The following MRNIP variants were observed in gnomAD, a reference collection of about 807,000 sequenced individuals.
MRNIP encodes MRN complex-interacting protein.
In MRNIP, 30 loss-of-function variants were observed where a neutral mutation model predicts 29.8. That is an observed-to-expected ratio of 1.01 (90% CI 0.75 to 1.36). The LOEUF (loss-of-function observed/expected upper bound fraction) is 1.36. Among genes scored for constraint, MRNIP ranks in the 40% most tolerant of loss-of-function variants. The probability of loss-of-function intolerance (pLI) is 0.00; values close to 1 mark genes in which losing one functional copy is unlikely to be tolerated. For synonymous variants in MRNIP, 201 were observed against 164.1 expected (o/e 1.23, Z -1.72); for missense variants, 459 against 423.5 (o/e 1.08, Z -0.74).
At chr5:179,854,299 C>T (rs982477476) in intron 1 of MRNIP, among the ~76,000 whole-genome samples, 6 of 151,970 alleles carry the variant, frequency 3.9e-5, no homozygotes, top group Admixed American at 3.3e-4. Flanking sequence ...GGATTACAGG[C>T]GTGAGCCACC....
intron 4 of MRNIP, among the ~76,000 whole-genome samples, chr5:179,843,162 T>C (rs970416531): frequency 2.6e-5 from 4 of 151,876 alleles, no homozygotes; most frequent in African/African-American, 9.7e-5. Context: ...ATCTACTACA[T>C]TCTGTAAATA....
rs555111646 is a variant in MRNIP, at chr5:179,843,730, ACCT to A, written c.291+419_291+421del. Among the ~76,000 whole-genome samples the A allele has an allele frequency of 4.1e-3, 621 of 151,898 alleles. 4 individuals are homozygous for A. Among genetic ancestry groups the A allele is most frequent in the Middle Eastern group, 0.014 (4 of 294 alleles). On this transcript the variant is annotated intron_variant, in intron 4 of 6. Coordinates refer to ENST00000292586, the MANE Select transcript of MRNIP (RefSeq NM_016175.4). The stretch of plus-strand genomic sequence containing the variant: ...ATTCCAGCCTGGGCGACAGAGTGAG[ACCT>A]CGTTTCAGAGAAAAAAAACAAAACA...
At chr5:179,855,999 C>A (rs1331903990) in intron 1 of MRNIP, among the ~76,000 whole-genome samples, 3 of 150,042 alleles carry the variant, frequency 2.0e-5, no homozygotes, top group African/African-American at 7.4e-5. Flanking sequence ...ACCTCTGCCT[C>A]CTGGATTCAA....
intron 6 of MRNIP, chr5:179,840,442 G>A (rs1758828083): frequency 4.5e-6 from 1 of 221,868 alleles, no homozygotes; most frequent in African/African-American, 2.4e-5. Flanking sequence ...AACACCCTAA[G>A]TGAAGAGTGC....
intron 5 of MRNIP, 189 bp from the exon 6 acceptor site, chr5:179,841,148 A>G (rs1396807873): frequency 6.9e-6 from 4 of 576,930 alleles, no homozygotes; most frequent in African/African-American, 5.7e-5. Flanking sequence ...TAGGTGCTAG[A>G]AAGTTTTGTT....
At chr5:179,850,597 T>C (rs531810601) in intron 2 of MRNIP, among the ~76,000 whole-genome samples, 45 of 152,232 alleles carry the variant, frequency 3.0e-4, no homozygotes, top group African/African-American at 1.0e-3. Flanking sequence ...ACAGAAGCAA[T>C]TGTAATGGAC....
intron 6 of MRNIP, chr5:179,840,522 G>GCC (rs1758834040): frequency 2.3e-6 from 1 of 436,450 alleles, no homozygotes; most frequent in African/African-American, 2.0e-5. Context: ...ATTCAGGGCG[G>GCC]CCCGCTGACG....
intron 1 of MRNIP, among the ~76,000 whole-genome samples, chr5:179,855,959 A>G (rs1582059605): frequency 7.8e-6 from 1 of 128,320 alleles, no homozygotes; most frequent in Admixed American, 9.2e-5. Context: ...CCCAGGCTGG[A>G]GCACTGTGGC....
chr5:179,858,025 A>AAAAAAAG (rs889628189), intron 1 of MRNIP, among the ~76,000 whole-genome samples: 2 of 143,282 alleles, frequency 1.4e-5, no homozygotes, highest in African/African-American at 5.0e-5. Context: ...AAAAAAAAAA[A>AAAAAAAG]AAGAAGAAGA....
intron 2 of MRNIP, chr5:179,853,047 A>G (rs1314436419): frequency 4.6e-6 from 2 of 433,936 alleles, no homozygotes; most frequent in Non-Finnish European, 8.6e-6. Context: ...ATGCAGATGC[A>G]TGTGTGCATT....
chr5:179,848,815 C>T (rs532250997), intron 2 of MRNIP, among the ~76,000 whole-genome samples: 1 of 152,360 alleles, frequency 6.6e-6, no homozygotes, highest in African/African-American at 2.4e-5. Flanking sequence ...ACCCACATGG[C>T]TGTCTAGGGG....
chr5:179,849,963 A>T (rs1471871841), intron 2 of MRNIP, among the ~76,000 whole-genome samples: 2 of 150,488 alleles, frequency 1.3e-5, no homozygotes, highest in East Asian at 4.0e-4. Flanking sequence ...GGAATTTGAG[A>T]GTACGGGTCC....
At chr5:179,842,902 G>A (rs1344519398) in intron 4 of MRNIP, among the ~76,000 whole-genome samples, 3 of 151,312 alleles carry the variant, frequency 2.0e-5, no homozygotes, top group Non-Finnish European at 4.4e-5. Context: ...GCGTGGTGGT[G>A]CGTGCCTGTA....
At chr5:179,851,166 G>C (rs1187547213) in intron 2 of MRNIP, 1 of 452,412 alleles carries the variant, frequency 2.2e-6, no homozygotes, top group Admixed American at 2.4e-5. Context: ...AGGGGAGTAA[G>C]AAGGCTTCCT....
intron 1 of MRNIP, among the ~76,000 whole-genome samples, chr5:179,854,861 C>G (rs1284772668): frequency 6.6e-6 from 1 of 152,146 alleles, no homozygotes; most frequent in African/African-American, 2.4e-5. Context: ...TCTCTCTTAA[C>G]ATATAAAATG....
intron 5 of MRNIP, 143 bp downstream of exon 5, chr5:179,841,764 G>A: frequency 2.4e-6 from 2 of 842,032 alleles, no homozygotes; most frequent in Non-Finnish European, 3.8e-6. Flanking sequence ...AGCAGTGGCA[G>A]CAGCTGCCCG....
intron 1 of MRNIP, among the ~76,000 whole-genome samples, chr5:179,857,767 C>A (rs577519500): frequency 2.0e-5 from 3 of 152,288 alleles, no homozygotes; most frequent in Admixed American, 2.0e-4. Flanking sequence ...AATCCCAGCA[C>A]TTTGGGAGGC....
chr5:179,841,863 G>A, intron 5 of MRNIP, 44 bp downstream of exon 5: 3 of 1,599,302 alleles, frequency 1.9e-6, no homozygotes, highest in Non-Finnish European at 2.6e-6. Flanking sequence ...GCTGGAGGCA[G>A]CAGAGGCCCT....
In MRNIP at chr5:179,837,984, T is replaced by C. The variant is rs954826627; in HGVS notation, c.538-99A>G. The C allele has an allele frequency of 7.9e-6, 9 of 1,141,082 alleles. No homozygotes were observed. In the African/African-American group the frequency reaches 1.2e-4, roughly 16 times the overall value. The allele number at this position is 1,141,082 out of a possible 1,614,324, so 70.7% of individuals were successfully genotyped here. ...TGGGCCTTGGCTGGGCCTCTGGTTC[T>C]GACACTTTCTGCTGGAAGCTGTCAG... On this transcript the variant is annotated intron_variant, in intron 6 of 6. Transcript: ENST00000292586.
Sources: allele counts gnomAD v4.1 joint callset (sites outside exome capture counted in the v4.1 genomes callset), GRCh38; gene constraint gnomAD v4.1.1; transcripts MANE v1.5; gene names NCBI Gene and HGNC (gene_info 2026-07-23, HGNC 2026-07-21).